ZFAT: variants seen among roughly 807,000 people sequenced by gnomAD.
ZFAT encodes the protein zinc finger and AT-hook domain containing, also known as zinc finger protein ZFAT.
A neutral mutation model predicts 117.7 loss-of-function variants in ZFAT; 64 were observed. The observed-to-expected ratio is 0.54, with a 90% CI of 0.44 to 0.67. ZFAT has a LOEUF of 0.67. Among genes scored for constraint, ZFAT ranks in the 30% least tolerant of loss-of-function variants. The probability of loss-of-function intolerance (pLI) is 0.00; values close to 1 mark genes in which losing one functional copy is unlikely to be tolerated. For synonymous variants in ZFAT, 679 were observed against 615.0 expected, an observed-to-expected ratio of 1.10 and a Z score of -1.54; for missense variants, 1,433 against 1,584.5, an observed-to-expected ratio of 0.90 and a Z score of 1.62.
intron 2 of ZFAT, among the ~76,000 whole-genome samples, chr8:134,655,351 A>G (rs1014090472): frequency 6.6e-6 from 1 of 152,222 alleles, no homozygotes; most frequent in Non-Finnish European, 1.5e-5. Context: ...TTTCCTATTT[A>G]TAAAAGAAAT....
At chr8:134,798,738 A>G in the ZFAT span, among the ~76,000 whole-genome samples, 5 of 152,136 alleles carry the variant, frequency 3.3e-5, no homozygotes, top group Non-Finnish European at 7.4e-5. Context: ...AGAAGAAAAA[A>G]GGCAATGAAT....
At chr8:134,732,451 G>A in the ZFAT span, among the ~76,000 whole-genome samples, 1 of 152,264 alleles carries the variant, frequency 6.6e-6, no homozygotes, top group African/African-American at 2.4e-5. Flanking sequence ...GGGAAACTAA[G>A]ACCATTCTCC....
the ZFAT span, among the ~76,000 whole-genome samples, chr8:134,776,915 A>G: frequency 6.6e-6 from 1 of 152,224 alleles, no homozygotes; most frequent in Non-Finnish European, 1.5e-5. Context: ...CCTTAGAAAG[A>G]TAAACTTTTC....
rs1056225073 is a variant in ZFAT at position 134,534,639 on chromosome 8, G to A, written c.2977-1667C>T. ...GAGGGAGAGAGAGGACAGGGGGAGAGAGGGAGAGAGGGAGAAAGGGAGACA... is the reference window on the plus strand; with the variant it reads ...GAGGGAGAGAGAGGACAGGGGGAGAAAGGGAGAGAGGGAGAAAGGGAGACA... On this transcript the variant is annotated intron_variant, in intron 11 of 15. Transcript: ENST00000377838. Among the ~76,000 whole-genome samples, 17 of 147,988 alleles carry A rather than the reference G, an allele frequency of 1.1e-4. No individual in the cohort carries two copies. The East Asian group carries it at 3.2e-3, about 28-fold the overall frequency.
At chr8:134,576,838 G>A (rs549794370) in intron 10 of ZFAT, among the ~76,000 whole-genome samples, 3 of 152,304 alleles carry the variant, frequency 2.0e-5, no homozygotes, top group East Asian at 1.9e-4. Context: ...AAGAGTGCTT[G>A]AAGCCTGGAT....
At chr8:134,625,380 G>C (rs17771094) in intron 3 of ZFAT, among the ~76,000 whole-genome samples, 3 of 152,102 alleles carry the variant, frequency 2.0e-5, no homozygotes, top group Non-Finnish European at 4.4e-5. Flanking sequence ...CATCACGAGA[G>C]AAATGCCTAT....
chr8:134,502,171 C>T (rs72735765), intron 15 of ZFAT, among the ~76,000 whole-genome samples: 8,569 of 152,262 alleles, frequency 0.056, 415 homozygotes, highest in East Asian at 0.29. Flanking sequence ...TCAACATCTG[C>T]CCCCCGATGG....
At chr8:134,819,821 C>T in the ZFAT span, among the ~76,000 whole-genome samples, 104 of 151,882 alleles carry the variant, frequency 6.8e-4, no homozygotes, top group African/African-American at 2.4e-3. Flanking sequence ...TTTCAAAACT[C>T]TTCTGAACCT....
At chr8:134,691,864 G>C (rs946525738) in intron 1 of ZFAT, among the ~76,000 whole-genome samples, 1 of 152,170 alleles carries the variant, frequency 6.6e-6, no homozygotes, top group Non-Finnish European at 1.5e-5. Context: ...ATATTTACCT[G>C]CATTTCCTTT....
chr8:134,554,615 C>T (rs756800913), intron 11 of ZFAT, among the ~76,000 whole-genome samples: 1 of 152,124 alleles, frequency 6.6e-6, no homozygotes, highest in African/African-American at 2.4e-5. Context: ...AGTGCACTGC[C>T]AACTCTCCAA....
chr8:134,624,035 G>A (rs947305328), intron 3 of ZFAT, among the ~76,000 whole-genome samples: 4 of 152,076 alleles, frequency 2.6e-5, no homozygotes, highest in South Asian at 4.1e-4. Context: ...CCATTCATGC[G>A]ACATCCTGTA....
the ZFAT span, among the ~76,000 whole-genome samples, chr8:134,806,529 T>C: frequency 1.3e-5 from 2 of 152,258 alleles, no homozygotes; most frequent in East Asian, 1.9e-4. Flanking sequence ...GGTAGGCACA[T>C]GATACTTGAC....
chr8:134,599,673 G>C (rs1384674747), intron 7 of ZFAT: 1 of 422,212 alleles, frequency 2.4e-6, no homozygotes, highest in African/African-American at 2.1e-5. Context: ...AATGTCTGAA[G>C]CTTCACTTTT....
chr8:134,688,110 G>T (rs1025859746), intron 1 of ZFAT, among the ~76,000 whole-genome samples: 1 of 152,064 alleles, frequency 6.6e-6, no homozygotes, highest in African/African-American at 2.4e-5. Flanking sequence ...GGGATCTTGT[G>T]GTGGGGGTGT....
chr8:134,564,999 A>C (rs929247081), intron 11 of ZFAT: 6 of 1,276,002 alleles, frequency 4.7e-6, no homozygotes, highest in Non-Finnish European at 6.1e-6. Context: ...GCAGCAATCC[A>C]GGATCTGAAA....
chr8:134,540,178 C>A (rs771364106), intron 11 of ZFAT, among the ~76,000 whole-genome samples: 1 of 152,136 alleles, frequency 6.6e-6, no homozygotes. Flanking sequence ...AGGATTGGAA[C>A]AGCACACTGG....
intron 11 of ZFAT, among the ~76,000 whole-genome samples, chr8:134,561,381 T>G (rs935424074): frequency 1.3e-5 from 2 of 152,038 alleles, no homozygotes; most frequent in Non-Finnish European, 2.9e-5. Context: ...TAAGCCACAT[T>G]CTCCAATAGA....
intron 14 of ZFAT, among the ~76,000 whole-genome samples, chr8:134,510,383 C>T (rs1819734436): frequency 6.6e-6 from 1 of 152,170 alleles, no homozygotes; most frequent in African/African-American, 2.4e-5. Flanking sequence ...ACCCTGATCA[C>T]TAATTTACTA....
the ZFAT span, among the ~76,000 whole-genome samples, chr8:134,738,240 A>G: frequency 2.0e-5 from 3 of 152,188 alleles, no homozygotes; most frequent in Non-Finnish European, 2.9e-5. Context: ...GGCCCCACCT[A>G]GCCTCCTCTC....
Sources: allele counts gnomAD v4.1 joint callset (sites outside exome capture counted in the v4.1 genomes callset), GRCh38; gene constraint gnomAD v4.1.1; transcripts MANE v1.5; gene names NCBI Gene and HGNC (gene_info 2026-07-23, HGNC 2026-07-21).